MTNR1A: variants seen among roughly 807,000 people sequenced by gnomAD.
The protein encoded by MTNR1A is melatonin receptor 1A, also known as melatonin receptor type 1A.
In MTNR1A, 7 loss-of-function variants were observed where a neutral mutation model predicts 5.5. The ratio of observed to expected loss-of-function variants is 1.28; its 90% CI spans 0.73 to 2.40. The LOEUF is 2.40. Among genes scored for constraint, MTNR1A ranks in the 30% most tolerant of loss-of-function variants. The pLI, the probability that MTNR1A is intolerant of heterozygous loss-of-function variation, is 0.00. For missense variants in MTNR1A, 441 were observed against 464.4 expected (o/e 0.95, Z 0.46); for synonymous variants, 196 against 202.7 (o/e 0.97, Z 0.28).
At chr4:186,554,232 G>A (rs1000436471) in intron 1 of MTNR1A, among the ~76,000 whole-genome samples, 8 of 152,040 alleles carry the variant, frequency 5.3e-5, no homozygotes, top group African/African-American at 1.9e-4. Context: ...CACTACTGGG[G>A]GCGGGTGGGG....
At chr4:186,535,156 T>A (rs1349912562) in intron 1 of MTNR1A, among the ~76,000 whole-genome samples, 1 of 152,158 alleles carries the variant, frequency 6.6e-6, no homozygotes, top group Non-Finnish European at 1.5e-5. Flanking sequence ...GATGGGATAA[T>A]GAGCAGCTTC....
intron 1 of MTNR1A, among the ~76,000 whole-genome samples, chr4:186,553,629 A>G (rs1026633564): frequency 3.9e-5 from 6 of 152,184 alleles, no homozygotes; most frequent in African/African-American, 1.2e-4. Flanking sequence ...CTCCTGCCTC[A>G]GGCTTCCAAG....
At chr4:186,545,347 C>T (rs1050076679) in intron 1 of MTNR1A, among the ~76,000 whole-genome samples, 1 of 152,162 alleles carries the variant, frequency 6.6e-6, no homozygotes, top group Non-Finnish European at 1.5e-5. Context: ...AACCTCACTA[C>T]GTGTGCATCT....
chr4:186,546,618 TACA>T (rs1453297470), intron 1 of MTNR1A, among the ~76,000 whole-genome samples: 1 of 151,012 alleles, frequency 6.6e-6, no homozygotes, highest in Admixed American at 6.6e-5. Flanking sequence ...ACCCTGTTCA[TACA>T]ACAACACACC....
intron 1 of MTNR1A, among the ~76,000 whole-genome samples, chr4:186,538,078 G>A (rs1736914907): frequency 6.6e-6 from 1 of 152,212 alleles, no homozygotes; most frequent in East Asian, 1.9e-4. Context: ...ACCTTCCTCA[G>A]AACTAGTCCT....
chr4:186,535,242 T>G (rs994307739), intron 1 of MTNR1A, among the ~76,000 whole-genome samples: 2 of 152,132 alleles, frequency 1.3e-5, no homozygotes, highest in African/African-American at 4.8e-5. Context: ...ACCATAGAAA[T>G]GTTCTTATTC....
chr4:186,549,207 A>T (rs6841776), intron 1 of MTNR1A, among the ~76,000 whole-genome samples: 142,914 of 152,102 alleles, frequency 0.94, 67,234 homozygotes, highest in East Asian at 1. Flanking sequence ...TGAAAGCACA[A>T]TATCCCTTCC....
chr4:186,554,261 G>T (rs753273897), intron 1 of MTNR1A, among the ~76,000 whole-genome samples: 1 of 152,100 alleles, frequency 6.6e-6, no homozygotes, highest in Non-Finnish European at 1.5e-5. Flanking sequence ...GCAGGGGTGA[G>T]CCTCCCCAAA....
rs552917427 is a variant in MTNR1A, at chr4:186,541,233, C to G, written c.185-6676G>C. Reference sequence around the variant, plus strand: ...GCAGCACTACAGACCCAATTCAGTACAGCCCTGAAAAACAAGGATGGAGGA... The same window carrying G: ...GCAGCACTACAGACCCAATTCAGTAGAGCCCTGAAAAACAAGGATGGAGGA... On this transcript the variant is annotated intron_variant, in intron 1 of 1. Transcript: ENST00000307161. 2.0e-5 allele frequency among the ~76,000 whole-genome samples: 3 copies of G among 152,312 alleles called. No homozygotes were observed. In the South Asian group the frequency reaches 6.2e-4, roughly 32 times the overall value.
In MTNR1A at chr4:186,545,116, C is replaced by T. The variant is rs941340546; in HGVS notation, c.184+10066G>A. On this transcript the variant is annotated intron_variant, in intron 1 of 1. Transcript: ENST00000307161. ...GCTCCCCCTGAGAGTGCTCCCTCAG[C>T]AAAGCACGAGTACCAAGCCTCTGTC... Among the ~76,000 whole-genome samples the T allele has an allele frequency of 3.3e-5, 5 of 152,160 alleles. No homozygotes were observed. In the East Asian group the frequency reaches 7.7e-4, roughly 23 times the overall value.
rs1736756292 is a variant in MTNR1A at position 186,533,660 on chromosome 4, G to T, written c.*29C>A. ...TCAAGAGCGAGGCCTTGCGCAGCGT[G>T]TCCATCTCACCCGGAACGTGGTGCT... On this transcript the variant is annotated 3_prime_UTR_variant, in exon 2 of 2. Transcript: ENST00000307161. The T allele has an allele frequency of 6.2e-7, 1 of 1,612,988 alleles. No homozygotes were observed. The highest frequency in any genetic ancestry group is 2.2e-5 in the East Asian group (1 of 44,886).
At position 186,555,483 on chromosome 4, in the gene MTNR1A, A is replaced by C. The variant is rs1398261988; in HGVS notation, c.-118T>G. The C allele has an allele frequency of 6.3e-6, 5 of 799,404 alleles. No individual in the cohort carries two copies. Among genetic ancestry groups the C allele is most frequent in the Non-Finnish European group, 8.2e-6 (5 of 610,018 alleles). The allele number at this position is 799,404 out of a possible 1,614,324, so 49.5% of individuals were successfully genotyped here. On this transcript the variant is annotated 5_prime_UTR_variant, in exon 1 of 2. Coordinates refer to ENST00000307161, the MANE Select transcript of MTNR1A (RefSeq NM_005958.4). The surrounding 1 kb of genome is among the most constrained non-coding windows in gnomAD (Gnocchi z 4.1). ...CACGCCCCATCCCGCGCGCTCCTCC[A>C]CGCCGCGCCCCCGGACGCCCACGCC...
At chr4:186,540,259 C>T (rs547086038) in intron 1 of MTNR1A, among the ~76,000 whole-genome samples, 5 of 152,302 alleles carry the variant, frequency 3.3e-5, no homozygotes, top group East Asian at 1.9e-4. Flanking sequence ...ACAGCCAAAC[C>T]GCATCAATGC....
At chr4:186,549,116 T>C (rs1275219582) in intron 1 of MTNR1A, among the ~76,000 whole-genome samples, 1 of 151,932 alleles carries the variant, frequency 6.6e-6, no homozygotes, top group Non-Finnish European at 1.5e-5. Context: ...AACAAAATCG[T>C]GTCCTAAGCT....
At chr4:186,538,675 A>C (rs559014058) in intron 1 of MTNR1A, among the ~76,000 whole-genome samples, 1 of 152,326 alleles carries the variant, frequency 6.6e-6, no homozygotes, top group Admixed American at 6.5e-5. Flanking sequence ...GAAAACCTCA[A>C]ATACGCTATT....
At chr4:186,544,772 C>A (rs912561911) in intron 1 of MTNR1A, among the ~76,000 whole-genome samples, 3 of 152,192 alleles carry the variant, frequency 2.0e-5, no homozygotes, top group Non-Finnish European at 4.4e-5. Flanking sequence ...GGGCTCCAGG[C>A]GGCTTCTGCT....
intron 1 of MTNR1A, among the ~76,000 whole-genome samples, chr4:186,541,053 G>C (rs1010489769): frequency 6.6e-6 from 1 of 152,130 alleles, no homozygotes; most frequent in African/African-American, 2.4e-5. Flanking sequence ...GCCACAGCCT[G>C]CGTTCCCACC....
intron 1 of MTNR1A, among the ~76,000 whole-genome samples, chr4:186,540,991 C>T (rs931073788): frequency 3.9e-5 from 6 of 152,136 alleles, no homozygotes; most frequent in African/African-American, 1.4e-4. Context: ...CAAGATCTGG[C>T]TCCGGCAGCT....
intron 1 of MTNR1A, among the ~76,000 whole-genome samples, chr4:186,537,869 T>A (rs551762252): frequency 6.6e-6 from 1 of 152,276 alleles, no homozygotes; most frequent in South Asian, 2.1e-4. Context: ...AAAGAGAAGA[T>A]GGGGGAGGAA....
Sources: gnomAD v4.1 joint callset for allele counts (sites outside exome capture counted in the v4.1 genomes callset) on GRCh38, gnomAD v4.1.1 for gene constraint, Gnocchi (gnomAD v3.1) non-coding constraint, MANE v1.5 for transcripts, NCBI Gene and HGNC (gene_info 2026-07-23, HGNC 2026-07-21) for gene names.